MYO1D: variants seen among roughly 807,000 people sequenced by gnomAD.
MYO1D encodes myosin ID.
In MYO1D, 83 loss-of-function variants were observed where a neutral mutation model predicts 122.0. That is an observed-to-expected ratio of 0.68 (90% CI 0.57 to 0.82). The LOEUF (loss-of-function observed/expected upper bound fraction) is 0.82. Ranked by LOEUF, MYO1D falls within the 40% of genes least tolerant of loss-of-function variation. The pLI is 0.00. For missense variants in MYO1D, 1,157 were observed against 1,269.5 expected (o/e 0.91, Z 1.35); for synonymous variants, 464 against 446.9 (o/e 1.04, Z -0.48).
At chr17:32,589,440 G>A (rs1459067318) in intron 21 of MYO1D, among the ~76,000 whole-genome samples, 3 of 152,210 alleles carry the variant, frequency 2.0e-5, no homozygotes, top group Non-Finnish European at 4.4e-5. Flanking sequence ...TCCGGGTTGG[G>A]TCAGATACTA....
At chr17:32,667,029 A>G (rs553535517) in intron 16 of MYO1D, among the ~76,000 whole-genome samples, 1 of 152,238 alleles carries the variant, frequency 6.6e-6, no homozygotes, top group Non-Finnish European at 1.5e-5. Context: ...CATAACCCAT[A>G]TGGTTATTTG....
At chr17:32,703,636 C>G (rs2089273942) in intron 16 of MYO1D, among the ~76,000 whole-genome samples, 2 of 151,962 alleles carry the variant, frequency 1.3e-5, no homozygotes, top group Non-Finnish European at 2.9e-5. Flanking sequence ...TAACTATAAA[C>G]TATATATCTA....
chr17:32,512,001 T>C (rs1909711825), intron 21 of MYO1D, among the ~76,000 whole-genome samples: 1 of 152,088 alleles, frequency 6.6e-6, no homozygotes, highest in African/African-American at 2.4e-5. Flanking sequence ...TGGGGACATA[T>C]ATATTAAAAA....
intron 7 of MYO1D, among the ~76,000 whole-genome samples, chr17:32,766,583 C>G (rs2090059982): frequency 6.6e-6 from 1 of 152,076 alleles, no homozygotes; most frequent in Non-Finnish European, 1.5e-5. Context: ...ATCACGAGGT[C>G]AGGAGATCGA....
rs1388827742 is a variant in MYO1D, at chr17:32,711,999, A to G, written c.2110T>C (p.Phe704Leu). 6.2e-7 allele frequency: 1 copy of G among 1,612,186 alleles called. No individual in the cohort carries two copies. Among genetic ancestry groups the G allele is most frequent in the Admixed American group, 1.7e-5 (1 of 59,964 alleles). Residue 704 changes from phenylalanine (F) to leucine (L), a missense_variant, in exon 16 of 22, where the codon TTT (phenylalanine) becomes CTT (leucine). Phe to Leu is a conservative substitution (Grantham distance 22). Transcript: ENST00000318217. Reference sequence around the variant, plus strand: ...AAATATAAAATTACCTTTTGTAGAAAGAGGACAATCCTTATGAGCATCTGG... The same window carrying G: ...AAATATAAAATTACCTTTTGTAGAAGGAGGACAATCCTTATGAGCATCTGG... ...RAQMLIRIVL[F>L]LQKVWRGTLA...
At chr17:32,612,545 A>G (rs1431603321) in intron 20 of MYO1D, among the ~76,000 whole-genome samples, 1 of 151,436 alleles carries the variant, frequency 6.6e-6, no homozygotes, top group East Asian at 2.0e-4. Context: ...CTGGAGCTGG[A>G]TGTGGTGGTG....
At chr17:32,861,428 G>T (rs924719864) in intron 1 of MYO1D, among the ~76,000 whole-genome samples, 1 of 152,040 alleles carries the variant, frequency 6.6e-6, no homozygotes, top group African/African-American at 2.4e-5. Context: ...CCCTATTCAC[G>T]AATGTGACAA....
At chr17:32,504,373 G>A (rs1184794905) in intron 21 of MYO1D, among the ~76,000 whole-genome samples, 1 of 152,216 alleles carries the variant, frequency 6.6e-6, no homozygotes, top group Non-Finnish European at 1.5e-5. Context: ...AGTGACTCAT[G>A]GAGCGCCCAG....
At chr17:32,514,322 G>A (rs1196167389) in intron 21 of MYO1D, among the ~76,000 whole-genome samples, 2 of 150,810 alleles carry the variant, frequency 1.3e-5, no homozygotes, top group Admixed American at 1.3e-4. Context: ...TGAACTCCTG[G>A]GCTCAAGCCA....
chr17:32,540,398 T>C (rs572342515), intron 21 of MYO1D, among the ~76,000 whole-genome samples: 4 of 148,596 alleles, frequency 2.7e-5, no homozygotes, highest in East Asian at 2.0e-4. Flanking sequence ...GCAAATCATA[T>C]ATCTGATAAG....
chr17:32,680,907 T>G (rs938289716), intron 16 of MYO1D, among the ~76,000 whole-genome samples: 1 of 152,166 alleles, frequency 6.6e-6, no homozygotes, highest in African/African-American at 2.4e-5. Flanking sequence ...GGTAAACTAT[T>G]GATTATTGCC....
At chr17:32,597,422 C>G (rs192210460) in intron 21 of MYO1D, among the ~76,000 whole-genome samples, 1 of 151,798 alleles carries the variant, frequency 6.6e-6, no homozygotes, top group Admixed American at 6.6e-5. Flanking sequence ...GTACCTATAT[C>G]TATACATTGT....
chr17:32,573,945 A>AG (rs1284644766), intron 21 of MYO1D, among the ~76,000 whole-genome samples: 1 of 151,970 alleles, frequency 6.6e-6, no homozygotes, highest in African/African-American at 2.4e-5. Context: ...TCCGCCCCCC[A>AG]GGGTTCACGC....
rs143428003 is a variant in MYO1D at position 32,670,607 on chromosome 17, C to T, written c.2122-11269G>A. ...TCCATGGATGAGACTGAGAACCTGTCTTCCCATTTGGTGTGCTTTCCTTTG... is the reference window on the plus strand; with the variant it reads ...TCCATGGATGAGACTGAGAACCTGTTTTCCCATTTGGTGTGCTTTCCTTTG... On this transcript the variant is annotated intron_variant, in intron 16 of 21. Transcript: ENST00000318217. Among the ~76,000 whole-genome samples, 382 of 152,338 alleles carry T rather than the reference C, an allele frequency of 2.5e-3. 1 individual carries two copies. Among genetic ancestry groups the T allele is most frequent in the African/African-American group, 9.0e-3 (373 of 41,586 alleles).
At chr17:32,495,005 G>A (rs759027643) in intron 21 of MYO1D, 90 bp from the exon 22 acceptor site, 60 of 1,402,678 alleles carry the variant, frequency 4.3e-5, no homozygotes, top group Non-Finnish European at 5.3e-5. Context: ...CATTGGCTCC[G>A]GCGCAGCCTG....
At chr17:32,788,389 T>C (rs1367149684) in intron 1 of MYO1D, among the ~76,000 whole-genome samples, 4 of 152,218 alleles carry the variant, frequency 2.6e-5, no homozygotes, top group South Asian at 4.1e-4. Context: ...AGTTTTTCTA[T>C]GTTATCTTCT....
intron 16 of MYO1D, among the ~76,000 whole-genome samples, chr17:32,678,621 G>A (rs922115237): frequency 3.3e-5 from 5 of 151,278 alleles, no homozygotes; most frequent in Non-Finnish European, 7.4e-5. Flanking sequence ...GTATTCCATG[G>A]TGTATATATG....
chr17:32,509,335 T>C (rs139521600), intron 21 of MYO1D, among the ~76,000 whole-genome samples: 1 of 152,226 alleles, frequency 6.6e-6, no homozygotes, highest in African/African-American at 2.4e-5. Flanking sequence ...CAAACATCCC[T>C]GTATTAGCTG....
intron 21 of MYO1D, among the ~76,000 whole-genome samples, chr17:32,566,166 T>C (rs2087171850): frequency 6.6e-6 from 1 of 151,052 alleles, no homozygotes; most frequent in Non-Finnish European, 1.5e-5. Flanking sequence ...GTGCTCCTTA[T>C]AACCCCCTGA....
Sources: allele counts gnomAD v4.1 joint callset (sites outside exome capture counted in the v4.1 genomes callset), GRCh38; gene constraint gnomAD v4.1.1; transcripts MANE v1.5; gene names NCBI Gene and HGNC (gene_info 2026-07-23, HGNC 2026-07-21).